LINGO2: variants seen among roughly 807,000 people sequenced by gnomAD.
LINGO2 encodes leucine-rich repeat and immunoglobulin-like domain-containing nogo receptor-interacting protein 2.
LINGO2 carries 14 observed loss-of-function variants against 30.6 expected under a neutral mutation model. The ratio of observed to expected loss-of-function variants is 0.46; its 90% confidence interval spans 0.30 to 0.72. LINGO2 has a LOEUF of 0.72. LINGO2 is among the 30% of genes least tolerant of loss of function. LINGO2 has a pLI of 0.07. For missense variants in LINGO2, 729 were observed against 751.7 expected, an observed-to-expected ratio of 0.97 and a Z score of 0.35; for synonymous variants, 317 against 288.5, an observed-to-expected ratio of 1.10 and a Z score of -1.00.
At chr9:28,548,587 T>C (rs1309159004) in intron 1 of LINGO2, among the ~76,000 whole-genome samples, 6 of 150,074 alleles carry the variant, frequency 4.0e-5, no homozygotes, top group Non-Finnish European at 8.9e-5. Context: ...ACTTGTAGTC[T>C]CAGCTACTCG....
intron 3 of LINGO2, among the ~76,000 whole-genome samples, chr9:28,365,420 C>G (rs1174061079): frequency 6.6e-6 from 1 of 152,152 alleles, no homozygotes; most frequent in Admixed American, 6.5e-5. Flanking sequence ...TGGATCTGTG[C>G]TGCAGAGGCG....
chr9:28,675,530 A>G, the LINGO2 span, among the ~76,000 whole-genome samples: 8 of 152,120 alleles, frequency 5.3e-5, no homozygotes, highest in Admixed American at 1.3e-4. Context: ...ACTTTTAAAC[A>G]AACAAAAGTT....
the LINGO2 span, among the ~76,000 whole-genome samples, chr9:29,058,804 G>C: frequency 6.6e-6 from 1 of 151,928 alleles, no homozygotes; most frequent in Non-Finnish European, 1.5e-5. Flanking sequence ...ACAGGACACA[G>C]TGAAACAAAA....
At chr9:28,150,914 G>A (rs1352551161) in intron 4 of LINGO2, among the ~76,000 whole-genome samples, 1 of 152,184 alleles carries the variant, frequency 6.6e-6, no homozygotes. Context: ...ATGTCAGAGA[G>A]CTACTTCCTG....
intron 4 of LINGO2, among the ~76,000 whole-genome samples, chr9:28,021,125 A>C (rs1009106940): frequency 6.6e-6 from 1 of 151,758 alleles, no homozygotes; most frequent in African/African-American, 2.4e-5. Flanking sequence ...TGGAAGCTTA[A>C]ATTATTTAGA....
chr9:28,902,927 A>T, the LINGO2 span, among the ~76,000 whole-genome samples: 2 of 151,934 alleles, frequency 1.3e-5, no homozygotes, highest in African/African-American at 4.8e-5. Flanking sequence ...AAAAATAAGA[A>T]ATATATCAAA....
rs112226401 is a variant in LINGO2, at chr9:28,144,920, C to T, written c.-86-132515G>A. Among the ~76,000 whole-genome samples the T allele has an allele frequency of 9.1e-3, 1,380 of 152,228 alleles. 20 individuals carry two copies. The highest frequency in any genetic ancestry group is 0.023 in the African/African-American group (962 of 41,522). The stretch of plus-strand genomic sequence containing the variant: ...GATGGACTTCTGCATCTCATTTAGT[C>T]TAGTGGGGTGGATATTTTGCAGTGG... On this transcript the variant is annotated intron_variant, in intron 4 of 5. Coordinates refer to ENST00000379992, the Ensembl canonical transcript of LINGO2.
intron 4 of LINGO2, among the ~76,000 whole-genome samples, chr9:28,228,093 G>C (rs1455705530): frequency 6.6e-6 from 1 of 151,860 alleles, no homozygotes; most frequent in Admixed American, 6.6e-5. Context: ...ACAAATTACA[G>C]AGCAACATAT....
intron 3 of LINGO2, among the ~76,000 whole-genome samples, chr9:28,363,248 C>A (rs1285051042): frequency 6.6e-6 from 1 of 152,178 alleles, no homozygotes; most frequent in Non-Finnish European, 1.5e-5. Flanking sequence ...TGCTTACTCT[C>A]AGATCAATGA....
chr9:28,296,702 G>C lies in LINGO2; in HGVS notation c.-245-1336C>G, dbSNP rs77440563. Among the ~76,000 whole-genome samples the C allele has an allele frequency of 5.3e-3, 813 of 152,236 alleles. 3 individuals carry two copies. Among genetic ancestry groups the C allele is most frequent in the Non-Finnish European group, 7.6e-3 (518 of 68,028 alleles). On this transcript the variant is annotated intron_variant, in intron 3 of 5. Coordinates refer to ENST00000379992, the Ensembl canonical transcript of LINGO2. ...TTCAAAATAATTCCTTAAACAAAGA[G>C]GTGTATATGTGACACTAAATGACAA...
the LINGO2 span, among the ~76,000 whole-genome samples, chr9:28,877,539 T>G: frequency 6.6e-6 from 1 of 152,092 alleles, no homozygotes; most frequent in African/African-American, 2.4e-5. Flanking sequence ...TTTTCTCAGG[T>G]TTGTCAAAGA....
intron 1 of LINGO2, among the ~76,000 whole-genome samples, chr9:28,483,166 C>A (rs1325738859): frequency 6.6e-6 from 1 of 152,096 alleles, no homozygotes; most frequent in East Asian, 1.9e-4. Flanking sequence ...CTTTTGTTAG[C>A]ATTCAGATTG....
chr9:28,588,439 G>A (rs1824681032), intron 1 of LINGO2, among the ~76,000 whole-genome samples: 1 of 151,810 alleles, frequency 6.6e-6, no homozygotes, highest in Admixed American at 6.6e-5. Context: ...AAAGAAAAGG[G>A]GCTTCCTGGA....
intron 4 of LINGO2, among the ~76,000 whole-genome samples, chr9:28,250,955 A>T (rs1822175904): frequency 6.7e-6 from 1 of 148,854 alleles, no homozygotes; most frequent in Non-Finnish European, 1.5e-5. Context: ...CCTCACCATC[A>T]GGTGTCAACA....
chr9:28,039,998 C>G (rs1824124219), intron 4 of LINGO2, among the ~76,000 whole-genome samples: 1 of 152,136 alleles, frequency 6.6e-6, no homozygotes, highest in Non-Finnish European at 1.5e-5. Context: ...AAACATGTGC[C>G]AAGCTTGAGT....
intron 4 of LINGO2, among the ~76,000 whole-genome samples, chr9:28,019,564 T>C (rs1823012586): frequency 6.6e-6 from 1 of 152,156 alleles, no homozygotes; most frequent in African/African-American, 2.4e-5. Flanking sequence ...TCATATTTGC[T>C]ATGAGTAAAA....
At chr9:28,956,967 AACTTCGT>A in the LINGO2 span, among the ~76,000 whole-genome samples, 1 of 151,766 alleles carries the variant, frequency 6.6e-6, no homozygotes, top group Non-Finnish European at 1.5e-5. Flanking sequence ...TGAAATGCCA[AACTTCGT>A]ACTTGCTAAA....
At chr9:29,196,829 A>C in the LINGO2 span, among the ~76,000 whole-genome samples, 1 of 152,180 alleles carries the variant, frequency 6.6e-6, no homozygotes, top group African/African-American at 2.4e-5. Flanking sequence ...ACTTTGAAAA[A>C]GATGTCAGAA....
chr9:28,637,103 G>C (rs536887980), intron 1 of LINGO2, among the ~76,000 whole-genome samples: 19 of 152,120 alleles, frequency 1.2e-4, no homozygotes, highest in Admixed American at 3.3e-4. Flanking sequence ...TCTTGTTTTT[G>C]TCAGGTTTGT....
Sources: gnomAD v4.1 joint callset for allele counts (sites outside exome capture counted in the v4.1 genomes callset) on GRCh38, gnomAD v4.1.1 for gene constraint, MANE v1.5 for transcripts, NCBI Gene and HGNC (gene_info 2026-07-23, HGNC 2026-07-21) for gene names.